The following SGPP1 variants were observed in gnomAD, a reference collection of about 807,000 sequenced individuals.
The protein encoded by SGPP1 is sphingosine-1-phosphate phosphatase 1, also known as hSPP1.
SGPP1 carries 21 observed loss-of-function variants against 33.0 expected under a neutral mutation model. The ratio of observed to expected loss-of-function variants is 0.64; its 90% CI spans 0.45 to 0.92. The LOEUF (loss-of-function observed/expected upper bound fraction) is 0.92, where lower values mean the gene tolerates loss of function less well. Among genes scored for constraint, SGPP1 ranks in the 40% least tolerant of loss-of-function variants. SGPP1 has a pLI of 0.00. For synonymous variants in SGPP1, 239 were observed against 241.2 expected (o/e 0.99, Z 0.08); for missense variants, 543 against 589.4 (o/e 0.92, Z 0.81).
intron 2 of SGPP1, among the ~76,000 whole-genome samples, chr14:63,697,600 A>G (rs1885212618): frequency 6.6e-6 from 1 of 152,204 alleles, no homozygotes; most frequent in African/African-American, 2.4e-5. Flanking sequence ...TACTTGACAG[A>G]TAAGGAAAAA....
At chr14:63,688,315 C>CAAAAA (rs71120275) in intron 2 of SGPP1, among the ~76,000 whole-genome samples, 4 of 31,414 alleles carry the variant, frequency 1.3e-4, no homozygotes, top group South Asian at 1.2e-3. Context: ...GACTCTGTCT[C>CAAAAA]AAAAAAAAAA....
chr14:63,714,110 C>T (rs187610186), intron 1 of SGPP1, among the ~76,000 whole-genome samples: 1 of 152,376 alleles, frequency 6.6e-6, no homozygotes, highest in East Asian at 1.9e-4. Flanking sequence ...CCACCCAGAT[C>T]CTGAGGCTTT....
Position 63,727,251 on chromosome 14 carries a change from G to A in SGPP1, c.684+10C>T. On this transcript the variant is annotated intron_variant, in intron 1 of 2. Coordinates refer to ENST00000247225, the MANE Select transcript of SGPP1 (RefSeq NM_030791.4). The stretch of plus-strand genomic sequence containing the variant: ...TCCCCCAGGCTGAACAGGACGAGAA[G>A]GAACCCTACCTGCCAGCGGCCATAG... 2 of 1,600,422 alleles carry A rather than the reference G, an allele frequency of 1.2e-6. No homozygotes were observed.
intron 1 of SGPP1, among the ~76,000 whole-genome samples, chr14:63,699,539 G>A (rs947981603): frequency 2.6e-5 from 4 of 152,044 alleles, no homozygotes; most frequent in East Asian, 1.9e-4. Context: ...TATTTAGTAC[G>A]AAATTGTTGG....
chr14:63,709,460 T>G (rs1040590857), intron 1 of SGPP1, among the ~76,000 whole-genome samples: 3 of 152,186 alleles, frequency 2.0e-5, no homozygotes, highest in Non-Finnish European at 4.4e-5. Flanking sequence ...CATTCAGTAT[T>G]ATACTCTAGT....
intron 1 of SGPP1, among the ~76,000 whole-genome samples, chr14:63,701,032 G>T (rs28663682): frequency 0.011 from 1,670 of 152,056 alleles, 32 homozygotes; most frequent in African/African-American, 0.037. Context: ...CCAGGCTGGA[G>T]TGCAGTGGCA....
intron 1 of SGPP1, among the ~76,000 whole-genome samples, chr14:63,717,869 T>C (rs905960926): frequency 6.6e-6 from 1 of 152,064 alleles, no homozygotes; most frequent in African/African-American, 2.4e-5. Flanking sequence ...TATTAAGTAC[T>C]GGGGATCACA....
chr14:63,726,775 T>G (rs1176586014), intron 1 of SGPP1, among the ~76,000 whole-genome samples: 1 of 152,228 alleles, frequency 6.6e-6, no homozygotes, highest in African/African-American at 2.4e-5. Flanking sequence ...GGAACTAGCA[T>G]GTTTGTTTTG....
At chr14:63,707,088 A>G (rs1885424365) in intron 1 of SGPP1, among the ~76,000 whole-genome samples, 1 of 151,248 alleles carries the variant, frequency 6.6e-6, no homozygotes, top group Non-Finnish European at 1.5e-5. Context: ...CATTTAATGT[A>G]CACATTAAAT....
At chr14:63,688,564 A>T (rs1339435612) in intron 2 of SGPP1, among the ~76,000 whole-genome samples, 1 of 152,056 alleles carries the variant, frequency 6.6e-6, no homozygotes, top group African/African-American at 2.4e-5. Flanking sequence ...CAACAAAACA[A>T]AACCCTATGA....
rs946383619 is a variant in SGPP1, at chr14:63,698,630, A to G, written c.713T>C (p.Ile238Thr). 1.2e-6 allele frequency: 2 copies of G among 1,603,766 alleles called. No homozygotes were observed. The highest frequency in any genetic ancestry group is 1.3e-5 in the African/African-American group (1 of 74,686). ...GCAAACTAGAGAACACCAGCAGGGAATAAGAATCAGTCCATATATAAGAGG... is the reference window on the plus strand; with the variant it reads ...GCAAACTAGAGAACACCAGCAGGGAGTAAGAATCAGTCCATATATAAGAGG... ...QYPLIYGLIL[I>T]PCWCSLVCLS... Residue 238 changes from isoleucine (I) to threonine (T), a missense_variant, in exon 2 of 3, where the codon ATT becomes ACT. Physicochemically the swap from Ile to Thr is moderately conservative, Grantham distance 89 (BLOSUM62 -1). Transcript: ENST00000247225.
At chr14:63,701,404 T>C (rs1885296637) in intron 1 of SGPP1, among the ~76,000 whole-genome samples, 1 of 152,092 alleles carries the variant, frequency 6.6e-6, no homozygotes, top group Non-Finnish European at 1.5e-5. Flanking sequence ...AGTTTCAGAG[T>C]GTAAATGGGG....
intron 1 of SGPP1, among the ~76,000 whole-genome samples, chr14:63,722,714 C>A (rs1885798756): frequency 6.6e-6 from 1 of 151,916 alleles, no homozygotes; most frequent in Non-Finnish European, 1.5e-5. Flanking sequence ...GCCTGTAATA[C>A]CAGCACTTTG....
intron 1 of SGPP1, among the ~76,000 whole-genome samples, chr14:63,719,487 C>T (rs1270677521): frequency 6.6e-6 from 1 of 151,698 alleles, no homozygotes; most frequent in East Asian, 1.9e-4. Context: ...AATTTAAATG[C>T]CTATATTCTT....
rs1884976285 is a variant in SGPP1 at position 63,686,380 on chromosome 14, G to A, written c.1051C>T (p.Pro351Ser). Residue 351 changes from proline (P) to serine (S), a missense_variant, in exon 3 of 3, where the codon CCT (proline) becomes TCT (serine). By Grantham distance (74) the Pro-to-Ser change is moderately conservative (BLOSUM62 -1). Coordinates refer to ENST00000247225, the MANE Select transcript of SGPP1 (RefSeq NM_030791.4). Reference sequence around the variant, plus strand: ...ACAGTAATGGGGGGCCCAGCTAAAGGTAATGTATCTAGAGAAGGATCTAAT... The same window carrying A: ...ACAGTAATGGGGGGCCCAGCTAAAGATAATGTATCTAGAGAAGGATCTAAT... ...LVLDPSLDTLPLAGPPITVTL... is the reference protein window; with the variant it reads ...LVLDPSLDTLSLAGPPITVTL... 1 of 1,614,130 alleles carries A rather than the reference G, an allele frequency of 6.2e-7. No homozygotes were observed. The highest frequency in any genetic ancestry group is 1.3e-5 in the African/African-American group (1 of 75,034).
chr14:63,689,112 TAC>T (rs1295930450), intron 2 of SGPP1, among the ~76,000 whole-genome samples: 1 of 152,224 alleles, frequency 6.6e-6, no homozygotes, highest in African/African-American at 2.4e-5. Context: ...TAGGATTTGA[TAC>T]ATAGCAAAAT....
At chr14:63,720,137 A>G (rs906602056) in intron 1 of SGPP1, among the ~76,000 whole-genome samples, 14 of 151,298 alleles carry the variant, frequency 9.3e-5, no homozygotes, top group African/African-American at 3.4e-4. Flanking sequence ...AAAAAAAAAA[A>G]AAAAAACATG....
intron 2 of SGPP1, among the ~76,000 whole-genome samples, chr14:63,689,946 T>C (rs1885059237): frequency 6.6e-6 from 1 of 152,240 alleles, no homozygotes; most frequent in Non-Finnish European, 1.5e-5. Context: ...TTCACAATCA[T>C]GTAATATTCT....
chr14:63,716,230 GGTACT>G (rs1358189541), intron 1 of SGPP1, among the ~76,000 whole-genome samples: 7 of 152,056 alleles, frequency 4.6e-5, no homozygotes, highest in African/African-American at 1.4e-4. Context: ...GGCTGGGCAA[GGTACT>G]GTAATCCCAG....
Sources: allele counts gnomAD v4.1 joint callset (sites outside exome capture counted in the v4.1 genomes callset), GRCh38; gene constraint gnomAD v4.1.1; transcripts MANE v1.5; gene names NCBI Gene and HGNC (gene_info 2026-07-23, HGNC 2026-07-21).